Variants in TBC1D32 observed in about 807,000 individuals in gnomAD.
TBC1D32 encodes protein broad-minded.
TBC1D32 carries 151 observed loss-of-function variants against 170.3 expected under a neutral mutation model. That is an observed-to-expected ratio of 0.89 (90% CI 0.78 to 1.01). TBC1D32 has a LOEUF of 1.01. TBC1D32 is among the 50% of genes least tolerant of loss of function. The pLI, the probability that TBC1D32 is intolerant of heterozygous loss-of-function variation, is 0.00. For synonymous variants in TBC1D32, 498 were observed against 488.0 expected (o/e 1.02, Z -0.27); for missense variants, 1,464 against 1,457.1 (o/e 1.00, Z -0.08).
At chr6:121,329,823 T>C (rs1810974888) in intron 1 of TBC1D32, among the ~76,000 whole-genome samples, 1 of 152,060 alleles carries the variant, frequency 6.6e-6, no homozygotes, top group South Asian at 2.1e-4. Flanking sequence ...TTGAATTTAT[T>C]ATATGATGAA....
intron 22 of TBC1D32, among the ~76,000 whole-genome samples, chr6:121,192,808 C>CTT (rs1293307427): frequency 6.8e-6 from 1 of 147,760 alleles, no homozygotes; most frequent in Admixed American, 7.1e-5. Flanking sequence ...GGCAACATCT[C>CTT]CTCCCTGACC....
At chr6:121,137,940 G>T (rs1782320837) in intron 24 of TBC1D32, among the ~76,000 whole-genome samples, 1 of 151,966 alleles carries the variant, frequency 6.6e-6, no homozygotes, top group Admixed American at 6.6e-5. Context: ...GTAAAATAAA[G>T]ACTTTATAAA....
intron 12 of TBC1D32, among the ~76,000 whole-genome samples, chr6:121,285,603 T>A (rs760481362): frequency 1.3e-5 from 2 of 151,906 alleles, no homozygotes; most frequent in African/African-American, 2.4e-5. Context: ...AGAAGACGGG[T>A]GATTTCTGCA....
intron 30 of TBC1D32, among the ~76,000 whole-genome samples, chr6:121,092,308 T>G (rs1032363505): frequency 1.6e-4 from 23 of 144,498 alleles, no homozygotes; most frequent in South Asian, 6.8e-4. Context: ...TTTTTTTTTT[T>G]TTTTTTTTTT....
At chr6:121,223,128 G>T in intron 21 of TBC1D32, 108 bp downstream of exon 21, 1 of 674,062 alleles carries the variant, frequency 1.5e-6, no homozygotes, top group Non-Finnish European at 2.5e-6. Context: ...GCCCTTAAAT[G>T]CCATTACATA....
At chr6:121,194,676 C>A (rs1265392535) in intron 22 of TBC1D32, among the ~76,000 whole-genome samples, 2 of 152,214 alleles carry the variant, frequency 1.3e-5, no homozygotes, top group Non-Finnish European at 2.9e-5. Flanking sequence ...GTCCATAAGG[C>A]CCACCAGAAG....
At position 121,113,188 on chromosome 6, in the gene TBC1D32, A is replaced by T. The variant is rs1306692263; in HGVS notation, c.3054-11T>A. 6.4e-7 allele frequency: 1 copy of T among 1,553,462 alleles called. No homozygotes were observed. Among genetic ancestry groups the T allele is most frequent in the East Asian group, 2.3e-5 (1 of 44,342 alleles). ...AGGAATTTGCCATACCTATATTAAA[A>T]GCCCACAAAACATAAAACATATCAG... On this transcript the variant is annotated splice_polypyrimidine_tract_variant and intron_variant, in intron 27 of 31. Coordinates refer to ENST00000398212, the MANE Select transcript of TBC1D32 (RefSeq NM_152730.6).
chr6:121,205,797 G>C (rs1792175261), intron 21 of TBC1D32, among the ~76,000 whole-genome samples: 1 of 152,112 alleles, frequency 6.6e-6, no homozygotes, highest in African/African-American at 2.4e-5. Context: ...TGATGTTCCA[G>C]TGTGTAGCCA....
intron 20 of TBC1D32, among the ~76,000 whole-genome samples, chr6:121,230,956 G>A (rs956109086): frequency 6.6e-6 from 1 of 151,952 alleles, no homozygotes; most frequent in African/African-American, 2.4e-5. Context: ...CCTTTTCCCT[G>A]AGTCCCCAAA....
rs770128390 is a variant in TBC1D32 at position 121,205,117 on chromosome 6, C to T, written c.2528G>A (p.Arg843His). 48 of 1,531,172 alleles carry T rather than the reference C, an allele frequency of 3.1e-5. No homozygotes were observed. Among genetic ancestry groups the T allele is most frequent in the Middle Eastern group, 1.7e-4 (1 of 5,854 alleles). 94.8% of individuals were successfully genotyped at this position (1,531,172 alleles called of 1,614,324 possible). The part of the protein sequence containing the change: ...LIILNSEAKI[R>H]SLFNYEQSHI... ...TGATTGTTCATAGTTGAATAAAGAA[C>T]GAATCTTAGCTTCAGAATTCAAAAT... The change falls in exon 22 of 32, where the codon CGT (arginine) becomes CAT (histidine). Residue 843 changes from arginine (R) to histidine (H), a missense_variant. Arg to His is a conservative substitution (Grantham distance 29). Transcript: ENST00000398212.
chr6:121,112,478 T>C lies in TBC1D32; in HGVS notation c.3324+27A>G, dbSNP rs756013656. ...ATAATGTTCTTAAAATTTCAAACCC[T>C]CCTTTAAAAACAGATTGAAGTCTTA... On this transcript the variant is annotated intron_variant, in intron 29 of 31. Coordinates refer to ENST00000398212, the MANE Select transcript of TBC1D32 (RefSeq NM_152730.6). 14 of 1,565,758 alleles carry C rather than the reference T, an allele frequency of 8.9e-6. No individual in the cohort carries two copies. In the South Asian group the frequency reaches 1.7e-4, roughly 19 times the overall value.
chr6:121,079,585 T>C lies in TBC1D32; in HGVS notation c.*1186A>G, dbSNP rs1241941804. On this transcript the variant is annotated 3_prime_UTR_variant, in exon 32 of 32. Coordinates refer to ENST00000398212, the MANE Select transcript of TBC1D32 (RefSeq NM_152730.6). Reference sequence around the variant, plus strand: ...CTACAATTAGAAAAACTTATTGAAATAAACTCATGACTAAAAATGAATAAT... The same window carrying C: ...CTACAATTAGAAAAACTTATTGAAACAAACTCATGACTAAAAATGAATAAT... 1 of 152,074 alleles carries C rather than the reference T, an allele frequency of 6.6e-6. No homozygotes were observed. The highest frequency in any genetic ancestry group is 1.5e-5 in the Non-Finnish European group (1 of 67,962). 9.4% of individuals were successfully genotyped at this position (152,074 alleles called of 1,614,324 possible).
chr6:121,302,851 A>T (rs1050916000), intron 9 of TBC1D32, among the ~76,000 whole-genome samples: 1 of 152,196 alleles, frequency 6.6e-6, no homozygotes, highest in African/African-American at 2.4e-5. Flanking sequence ...GTTCTGGTTA[A>T]TTGGGCATTT....
At chr6:121,091,125 A>T (rs1023650160) in intron 30 of TBC1D32, 84 bp from the exon 31 acceptor site, 8 of 1,120,514 alleles carry the variant, frequency 7.1e-6, no homozygotes, top group African/African-American at 1.6e-5. Flanking sequence ...AATAACTCAT[A>T]CAAAACCAGT....
Position 121,223,303 on chromosome 6 carries a change from A to G in TBC1D32, c.2414T>C (p.Leu805Pro). 6.3e-7 allele frequency: 1 copy of G among 1,599,870 alleles called. No homozygotes were observed. ...NLLSYPAIYE[L>P]VRNQDLPNKT... Reference sequence around the variant, plus strand: ...ATTAGGAAGATCTTGATTCCTTACAAGCTCATAAATAGCAGGATAGGATAA... The same window carrying G: ...ATTAGGAAGATCTTGATTCCTTACAGGCTCATAAATAGCAGGATAGGATAA... Residue 805 changes from leucine (L) to proline (P), a missense_variant, in exon 21 of 32, where the codon CTT (leucine) becomes CCT (proline). By Grantham distance (98) the Leu-to-Pro change is moderately conservative (BLOSUM62 -3). This residue lies in a region of TBC1D32 where 1,363 missense variants were observed against 1,338.1 expected (regional missense o/e 1.02). Transcript: ENST00000398212.
At chr6:121,148,407 T>A (rs971622832) in intron 24 of TBC1D32, among the ~76,000 whole-genome samples, 11 of 152,166 alleles carry the variant, frequency 7.2e-5, no homozygotes, top group Non-Finnish European at 1.6e-4. Flanking sequence ...TGGGTTGGTT[T>A]CAAGTCTTTG....
intron 6 of TBC1D32, 41 bp from the exon 7 acceptor site, chr6:121,304,666 A>G: frequency 6.5e-7 from 1 of 1,548,554 alleles, no homozygotes; most frequent in Non-Finnish European, 8.8e-7. Flanking sequence ...TCATTCATTT[A>G]CAGTGCTTTC....
chr6:121,210,924 T>C (rs1792945946), intron 21 of TBC1D32, among the ~76,000 whole-genome samples: 1 of 152,148 alleles, frequency 6.6e-6, no homozygotes, highest in African/African-American at 2.4e-5. Context: ...CCTACAAAAC[T>C]GTGAGTTAAT....
intron 17 of TBC1D32, among the ~76,000 whole-genome samples, chr6:121,249,643 C>G (rs144955042): frequency 2.0e-5 from 3 of 151,984 alleles, no homozygotes; most frequent in Non-Finnish European, 4.4e-5. Flanking sequence ...TCAAAGTACA[C>G]AAATCAGTAG....
Sources: gnomAD v4.1 joint callset for allele counts (sites outside exome capture counted in the v4.1 genomes callset) on GRCh38, gnomAD v4.1.1 for gene constraint, gnomAD v4.1.1 regional missense constraint, MANE v1.5 for transcripts, NCBI Gene and HGNC (gene_info 2026-07-23, HGNC 2026-07-21) for gene names.